ABCA9: variants seen among roughly 807,000 people sequenced by gnomAD.
ABCA9 encodes ATP-binding cassette sub-family A member 9.
Under a neutral mutation model 205.3 loss-of-function variants are expected in ABCA9, and 183 were observed. The observed-to-expected ratio is 0.89, with a 90% CI of 0.79 to 1.01. The LOEUF is 1.01. ABCA9 is among the 50% of genes least tolerant of loss of function. The pLI, the probability that ABCA9 is intolerant of heterozygous loss-of-function variation, is 0.00. For missense variants in ABCA9, 1,805 were observed against 1,912.4 expected (o/e 0.94, Z 1.05); for synonymous variants, 651 against 683.3 (o/e 0.95, Z 0.74).
At chr17:69,042,694 T>G (rs1416441658) in intron 6 of ABCA9, 1 of 152,238 alleles carries the variant, frequency 6.6e-6, no homozygotes, top group Non-Finnish European at 1.5e-5. Context: ...TTGGCAAACA[T>G]CTACAGGATA....
At chr17:69,000,447 C>T (rs1428870452) in intron 25 of ABCA9, among the ~76,000 whole-genome samples, 12 of 152,088 alleles carry the variant, frequency 7.9e-5, no homozygotes, top group African/African-American at 2.2e-4. Flanking sequence ...AGATAAGCGG[C>T]GTTATTTCTG....
At chr17:68,978,484 G>A (rs112416659) in intron 37 of ABCA9, among the ~76,000 whole-genome samples, 1,661 of 152,160 alleles carry the variant, frequency 0.011, 27 homozygotes, top group African/African-American at 0.036. Flanking sequence ...GGTTAATATT[G>A]TTATATGTGA....
intron 28 of ABCA9, 90 bp from the exon 29 acceptor site, chr17:68,991,047 G>A (rs2069435203): frequency 2.8e-6 from 4 of 1,441,614 alleles, no homozygotes; most frequent in Non-Finnish European, 3.8e-6. Flanking sequence ...CCAATTTTTG[G>A]AGTAGATTCA....
At chr17:69,006,895 C>G (rs1175658582) in intron 25 of ABCA9, among the ~76,000 whole-genome samples, 2 of 151,956 alleles carry the variant, frequency 1.3e-5, no homozygotes, top group East Asian at 1.9e-4. Context: ...ACAGAGAGAC[C>G]AGTTACAGAT....
At chr17:68,993,178 C>T in intron 26 of ABCA9, 94 bp from the exon 27 acceptor site, 1 of 1,018,844 alleles carries the variant, frequency 9.8e-7, no homozygotes, top group Non-Finnish European at 1.5e-6. Context: ...TATTCAATGG[C>T]CTTACAACCA....
At position 69,043,504 on chromosome 17, in the gene ABCA9, C is replaced by T. The variant is rs61744800; in HGVS notation, c.785G>A (p.Arg262Gln). The change falls in exon 6 of 39, where the codon CGA (arginine) becomes CAA (glutamine). Residue 262 changes from arginine to glutamine, a missense_variant. Coordinates refer to ENST00000340001, the MANE Select transcript of ABCA9 (RefSeq NM_080283.4). ...TATGATTTACCAGAATGCTGACTCT[C>T]GGAGTCCCATCATTGTCATCAATGA... Reference protein sequence around the residue: ...ITSLMTMMGLRESAFWLSWGL... With the variant: ...ITSLMTMMGLQESAFWLSWGL... 0.016 allele frequency: 25,202 copies of T among 1,594,234 alleles called. 1,723 individuals are homozygous for T. The African/African-American group carries it at 0.16, about 10-fold the overall frequency.
chr17:69,012,159 T>A, intron 22 of ABCA9, 76 bp from the exon 23 acceptor site: 1 of 1,006,328 alleles, frequency 9.9e-7, no homozygotes, highest in Non-Finnish European at 1.5e-6. Flanking sequence ...ACTAAATCAC[T>A]CAAATAAATG....
intron 14 of ABCA9, 35 bp from the exon 15 acceptor site, chr17:69,027,149 C>T (rs185105972): frequency 3.7e-6 from 6 of 1,607,894 alleles, no homozygotes; most frequent in Non-Finnish European, 5.1e-6. Context: ...TAATTCCACC[C>T]TTTCGGATAA....
At chr17:69,003,334 A>C (rs1473098103) in intron 25 of ABCA9, among the ~76,000 whole-genome samples, 2 of 150,720 alleles carry the variant, frequency 1.3e-5, no homozygotes, top group African/African-American at 4.9e-5. Context: ...ATCTCTCAGC[A>C]TTTGCTTGTC....
Position 68,985,116 on chromosome 17 carries a change from C to T in ABCA9, c.4221G>A (p.Ala1407=), listed in dbSNP as rs114366393. 2.5e-6 allele frequency: 4 copies of T among 1,614,174 alleles called. No homozygotes were observed. The highest frequency in any genetic ancestry group is 1.1e-5 in the South Asian group (1 of 91,082). Residue 1407 remains alanine (A), a synonymous_variant, in exon 33 of 39, where the codon GCG becomes GCA. Coordinates refer to ENST00000340001, the MANE Select transcript of ABCA9 (RefSeq NM_080283.4). ...AMIAITRLVD[A]LKLQDQLKAP... ...CCTTCAGCTGGTCCTGCAGCTTGAG[C>T]GCATCCACTAACCTGAAGAAAACAG...
Position 69,035,338 on chromosome 17 carries a change from C to A in ABCA9, c.1036G>T (p.Gly346Ter). 6.2e-7 allele frequency: 1 copy of A among 1,610,350 alleles called. No individual in the cohort carries two copies. The highest frequency in any genetic ancestry group is 1.1e-5 in the South Asian group (1 of 90,568). Residue 346 changes from glycine to a stop codon, truncating the protein, a stop_gained, in exon 8 of 39, where the codon GGA becomes TGA. Coordinates refer to ENST00000340001, the MANE Select transcript of ABCA9 (RefSeq NM_080283.4). LOFTEE classifies it high-confidence loss of function. ...AGACGTGTATACAATGCTGGGAATC[C>A]CAGGATCCCCCAAAAGACAATAAGG... ...FLLIVFWGIL[G>*]FPALYTRLPA...
In ABCA9 at chr17:68,984,872, G is replaced by C. The variant is rs1348447591; in HGVS notation, c.4379+13C>G. 6.2e-7 allele frequency: 1 copy of C among 1,614,148 alleles called. No homozygotes were observed. The highest frequency in any genetic ancestry group is 1.7e-5 in the Admixed American group (1 of 60,014). ...ATACACTCATGCAGAGGTTGCTCAT[G>C]ATAGCACCTCACCACATTTGCTGCT... On this transcript the variant is annotated intron_variant, in intron 34 of 38. Coordinates refer to ENST00000340001, the MANE Select transcript of ABCA9 (RefSeq NM_080283.4).
intron 23 of ABCA9, among the ~76,000 whole-genome samples, chr17:69,009,611 C>A (rs2070295008): frequency 6.6e-6 from 1 of 152,144 alleles, no homozygotes; most frequent in Non-Finnish European, 1.5e-5. Flanking sequence ...AGAGAATTAA[C>A]ATGGTCAGCT....
At chr17:69,051,284 C>A in intron 1 of ABCA9, 145 bp from the exon 2 acceptor site, 1 of 627,350 alleles carries the variant, frequency 1.6e-6, no homozygotes. Context: ...AAAATAAAAA[C>A]ATGTGAGGAA....
intron 21 of ABCA9, 138 bp downstream of exon 21, chr17:69,017,518 T>C (rs2070661713): frequency 4.4e-6 from 4 of 908,306 alleles, no homozygotes; most frequent in Non-Finnish European, 5.0e-6. Flanking sequence ...ATAATTGTAG[T>C]CCAGCTTCTT....
rs762986595 is a variant in ABCA9, at chr17:69,026,462, TC to T, written c.2055del (p.Lys686ArgfsTer9). The T allele has an allele frequency of 6.2e-7, 1 of 1,612,338 alleles. No homozygotes were observed. The highest frequency in any genetic ancestry group is 8.5e-7 in the Non-Finnish European group (1 of 1,178,644). On this transcript the variant is annotated frameshift_variant, in exon 16 of 39. Coordinates refer to ENST00000340001, the MANE Select transcript of ABCA9 (RefSeq NM_080283.4). LOFTEE classifies it high-confidence loss of function. Reference protein sequence around the residue: ...FIDEADILADRKVFISNGKLK... With the variant: ...FIDEADILADXKVFISNGKLK... ...AGCTTCCCATTGGATATGAACACCT[TC>T]CTGTCTAGTTAGAAATAATCAAAAG...
rs375225969 is a variant in ABCA9 at position 69,003,026 on chromosome 17, A to G, written c.3435+4733T>C. Among the ~76,000 whole-genome samples, 267 of 149,702 alleles carry G rather than the reference A, an allele frequency of 1.8e-3. 4 individuals carry two copies. In the East Asian group the frequency reaches 0.024, roughly 14 times the overall value. On this transcript the variant is annotated intron_variant, in intron 25 of 38. Transcript: ENST00000340001. ...CTATGTGGGTCTCTGCATGTGAGAT[A>G]GGTTTCCTGAATACAGCACACTGAT... is the stretch of plus-strand genomic sequence containing the variant.
At chr17:69,049,737 A>G (rs1027364691) in intron 2 of ABCA9, among the ~76,000 whole-genome samples, 5 of 152,060 alleles carry the variant, frequency 3.3e-5, no homozygotes, top group African/African-American at 1.2e-4. Flanking sequence ...AGTTTACCAC[A>G]CTCTAGTGCA....
At chr17:68,988,770 A>T (rs1202944417) in intron 31 of ABCA9, among the ~76,000 whole-genome samples, 2 of 152,204 alleles carry the variant, frequency 1.3e-5, no homozygotes, top group Non-Finnish European at 2.9e-5. Context: ...TAAAGCAAAG[A>T]TATCTGACTT....
Sources: gnomAD v4.1 joint callset for allele counts (sites outside exome capture counted in the v4.1 genomes callset) on GRCh38, gnomAD v4.1.1 for gene constraint, MANE v1.5 for transcripts, NCBI Gene and HGNC (gene_info 2026-07-23, HGNC 2026-07-21) for gene names.